MEIKIN: variants seen among roughly 807,000 people sequenced by gnomAD.
The protein encoded by MEIKIN is meiotic kinetochore factor.
chr5:131,846,403 T>G (rs1380702273), intron 11 of MEIKIN, among the ~76,000 whole-genome samples: 1 of 152,234 alleles, frequency 6.6e-6, no homozygotes, highest in Non-Finnish European at 1.5e-5. Flanking sequence ...CAACAATTTA[T>G]AACTCTACTT....
chr5:131,850,856 C>A (rs1750103805), intron 11 of MEIKIN, among the ~76,000 whole-genome samples: 1 of 151,936 alleles, frequency 6.6e-6, no homozygotes, highest in Non-Finnish European at 1.5e-5. Context: ...GGCAGAATCA[C>A]CTAAATCCTG....
chr5:131,914,091 A>G (rs934920804), intron 7 of MEIKIN, among the ~76,000 whole-genome samples: 7 of 152,180 alleles, frequency 4.6e-5, no homozygotes, highest in African/African-American at 1.4e-4. Context: ...GAGAGACCTG[A>G]GCTACCATGT....
At chr5:131,841,006 GT>G (rs1749898751) in intron 11 of MEIKIN, among the ~76,000 whole-genome samples, 1 of 152,058 alleles carries the variant, frequency 6.6e-6, no homozygotes, top group African/African-American at 2.4e-5. Context: ...TGAAGTTGCT[GT>G]TCTTCAGATT....
chr5:131,910,106 G>A (rs1009845174), intron 8 of MEIKIN, among the ~76,000 whole-genome samples: 1 of 152,100 alleles, frequency 6.6e-6, no homozygotes, highest in Non-Finnish European at 1.5e-5. Flanking sequence ...GTATCAAAGA[G>A]GTATCTGCAC....
At chr5:131,864,646 GA>G (rs753859396) in intron 9 of MEIKIN, among the ~76,000 whole-genome samples, 5 of 152,120 alleles carry the variant, frequency 3.3e-5, no homozygotes, top group Non-Finnish European at 5.9e-5. Context: ...GCTGCTTTTA[GA>G]ATTCTCTGTC....
intron 9 of MEIKIN, among the ~76,000 whole-genome samples, chr5:131,863,431 T>C (rs932336369): frequency 6.6e-6 from 1 of 152,158 alleles, no homozygotes; most frequent in Non-Finnish European, 1.5e-5. Context: ...ATTCTGTCTC[T>C]CTTTAGATCT....
At chr5:131,875,862 T>A (rs1309930300) in intron 9 of MEIKIN, among the ~76,000 whole-genome samples, 2 of 152,144 alleles carry the variant, frequency 1.3e-5, no homozygotes, top group Non-Finnish European at 2.9e-5. Context: ...CTACCTGATG[T>A]TTGACAAACC....
chr5:131,903,514 A>G (rs1299799787), intron 8 of MEIKIN, among the ~76,000 whole-genome samples: 1 of 152,234 alleles, frequency 6.6e-6, no homozygotes, highest in Non-Finnish European at 1.5e-5. Context: ...ATAAAAGAAA[A>G]TAATTTTCAA....
intron 8 of MEIKIN, among the ~76,000 whole-genome samples, chr5:131,898,870 C>T (rs1184691298): frequency 1.3e-5 from 2 of 152,198 alleles, no homozygotes; most frequent in Admixed American, 1.3e-4. Flanking sequence ...TCCCCTGACC[C>T]CTTGCACTTC....
intron 11 of MEIKIN, among the ~76,000 whole-genome samples, chr5:131,832,533 T>A (rs1561725925): frequency 6.6e-6 from 1 of 152,170 alleles, no homozygotes; most frequent in Non-Finnish European, 1.5e-5. Context: ...CAGTGGCCCT[T>A]TTCTCACAGC....
intron 8 of MEIKIN, among the ~76,000 whole-genome samples, chr5:131,906,399 G>A (rs1050958731): frequency 1.3e-5 from 2 of 152,104 alleles, no homozygotes; most frequent in African/African-American, 4.8e-5. Context: ...AAAACAGAAT[G>A]CTTATATACT....
chr5:131,818,644 A>C (rs1434826396), intron 12 of MEIKIN, 96 bp downstream of exon 12: 2 of 381,486 alleles, frequency 5.2e-6, no homozygotes, highest in Non-Finnish European at 9.3e-6. Flanking sequence ...TTAGAATACA[A>C]TTTATAATTG....
Position 131,865,381 on chromosome 5 carries a change from G to A in MEIKIN, c.775-10547C>T, listed in dbSNP as rs544433259. The stretch of plus-strand genomic sequence containing the variant: ...ACTGCAGGCATGCGCCACCATGCCC[G>A]GCTAATTTTTTGTATTTTTAGTAGA... On this transcript the variant is annotated intron_variant, in intron 9 of 12. Transcript: ENST00000442687. Among the ~76,000 whole-genome samples the A allele has an allele frequency of 2.7e-4, 40 of 149,978 alleles. No homozygotes were observed. In the South Asian group the frequency reaches 6.4e-3, roughly 24 times the overall value.
At chr5:131,844,426 CT>C (rs1749974267) in intron 11 of MEIKIN, among the ~76,000 whole-genome samples, 1 of 152,122 alleles carries the variant, frequency 6.6e-6, no homozygotes, top group African/African-American at 2.4e-5. Flanking sequence ...AACTTACTGC[CT>C]TGAGAGAATT....
chr5:131,815,048 T>A (rs1470616191), intron 12 of MEIKIN, among the ~76,000 whole-genome samples: 1 of 152,204 alleles, frequency 6.6e-6, no homozygotes, highest in Admixed American at 6.5e-5. Flanking sequence ...AGACCCTCGA[T>A]ACAGATTTGC....
intron 9 of MEIKIN, among the ~76,000 whole-genome samples, chr5:131,866,459 A>G (rs1750387288): frequency 6.6e-6 from 1 of 152,168 alleles, no homozygotes. Context: ...CCATTGGCAG[A>G]ATGCTCAGGT....
chr5:131,900,347 C>T (rs1341392171), intron 8 of MEIKIN, among the ~76,000 whole-genome samples: 1 of 152,176 alleles, frequency 6.6e-6, no homozygotes, highest in East Asian at 1.9e-4. Flanking sequence ...AAGCTGGGAA[C>T]CCTGCAGAGG....
chr5:131,896,081 T>C (rs142746567), intron 8 of MEIKIN, among the ~76,000 whole-genome samples: 1 of 152,330 alleles, frequency 6.6e-6, no homozygotes, highest in East Asian at 1.9e-4. Flanking sequence ...TTCTGGTACA[T>C]TGTGTCTTTG....
chr5:131,870,293 G>A (rs1039060200), intron 9 of MEIKIN, among the ~76,000 whole-genome samples: 4 of 152,076 alleles, frequency 2.6e-5, no homozygotes, highest in African/African-American at 9.7e-5. Context: ...CCTTCAAGCA[G>A]CATTCAACAC....
Sources: gnomAD v4.1 joint callset for allele counts (sites outside exome capture counted in the v4.1 genomes callset) on GRCh38, gnomAD v4.1.1 for gene constraint, MANE v1.5 for transcripts, NCBI Gene and HGNC (gene_info 2026-07-23, HGNC 2026-07-21) for gene names.